APBB1IP: variants seen among roughly 807,000 people sequenced by gnomAD.
APBB1IP encodes the protein amyloid beta A4 precursor protein-binding family B member 1-interacting protein.
Under a neutral mutation model 64.9 loss-of-function variants are expected in APBB1IP, and 27 were observed. That is an observed-to-expected ratio of 0.42 (90% CI 0.31 to 0.57). The LOEUF is 0.57. Ranked by LOEUF, APBB1IP falls within the 20% of genes least tolerant of loss-of-function variation. The pLI is 0.20. For synonymous variants in APBB1IP, 392 were observed against 331.0 expected (o/e 1.18, Z -2.00); for missense variants, 812 against 845.5 (o/e 0.96, Z 0.49).
At chr10:26,529,767 A>C (rs1836524567) in intron 8 of APBB1IP, among the ~76,000 whole-genome samples, 1 of 151,964 alleles carries the variant, frequency 6.6e-6, no homozygotes, top group Non-Finnish European at 1.5e-5. Flanking sequence ...CAGCCTCCCT[A>C]GTAGCTGGGA....
chr10:26,553,107 C>A lies in APBB1IP; in HGVS notation c.1156-6998C>A, dbSNP rs544120417. Among the ~76,000 whole-genome samples, 56 of 152,106 alleles carry A rather than the reference C, an allele frequency of 3.7e-4. 1 individual carries two copies. Among genetic ancestry groups the A allele is most frequent in the African/African-American group, 1.2e-3 (51 of 41,516 alleles). On this transcript the variant is annotated intron_variant, in intron 11 of 14. Coordinates refer to ENST00000376236, the MANE Select transcript of APBB1IP (RefSeq NM_019043.4). Reference sequence around the variant, plus strand: ...CGCGATCTCAGCTCACTGCAACCTCCGCCTCCCAGGTTCAAGCAATTCTCC... The same window carrying A: ...CGCGATCTCAGCTCACTGCAACCTCAGCCTCCCAGGTTCAAGCAATTCTCC...
intron 2 of APBB1IP, among the ~76,000 whole-genome samples, chr10:26,461,144 A>G (rs1456397284): frequency 6.6e-6 from 1 of 152,068 alleles, no homozygotes; most frequent in Non-Finnish European, 1.5e-5. Context: ...CAAAAGTATT[A>G]TAAAACGAAG....
chr10:26,549,478 G>C (rs562673900), intron 11 of APBB1IP, among the ~76,000 whole-genome samples: 1 of 152,012 alleles, frequency 6.6e-6, no homozygotes, highest in South Asian at 2.1e-4. Context: ...TTTTATTACA[G>C]CTTCAATTTC....
chr10:26,459,990 G>A (rs1265359337), intron 2 of APBB1IP, among the ~76,000 whole-genome samples: 1 of 151,862 alleles, frequency 6.6e-6, no homozygotes, highest in African/African-American at 2.4e-5. Flanking sequence ...TATTTACTTA[G>A]TCTTAAAAAT....
chr10:26,497,355 T>C (rs1393353537), intron 4 of APBB1IP, among the ~76,000 whole-genome samples: 1 of 151,504 alleles, frequency 6.6e-6, no homozygotes, highest in Admixed American at 6.6e-5. Context: ...ATCGAGACCA[T>C]CCTGGCTAAC....
At chr10:26,469,530 G>A (rs1186702412) in intron 2 of APBB1IP, among the ~76,000 whole-genome samples, 1 of 151,974 alleles carries the variant, frequency 6.6e-6, no homozygotes, top group South Asian at 2.1e-4. Flanking sequence ...GATTACAGGC[G>A]TGAACCACCG....
intron 8 of APBB1IP, among the ~76,000 whole-genome samples, chr10:26,518,427 T>C (rs1255951883): frequency 1.3e-5 from 2 of 152,136 alleles, no homozygotes; most frequent in Non-Finnish European, 2.9e-5. Context: ...TTGGTATTTT[T>C]AGTAGAGACG....
chr10:26,514,029 C>T (rs1836294760), intron 8 of APBB1IP, among the ~76,000 whole-genome samples: 1 of 152,150 alleles, frequency 6.6e-6, no homozygotes, highest in Admixed American at 6.6e-5. Flanking sequence ...CCACTGCGCC[C>T]AGCCAAGGAT....
At chr10:26,517,874 A>G (rs1263426059) in intron 8 of APBB1IP, among the ~76,000 whole-genome samples, 2 of 152,222 alleles carry the variant, frequency 1.3e-5, no homozygotes, top group Non-Finnish European at 2.9e-5. Flanking sequence ...TTTGTTGGAC[A>G]TGTGTAGACA....
At chr10:26,558,310 T>C (rs112470846) in intron 11 of APBB1IP, among the ~76,000 whole-genome samples, 23 of 152,312 alleles carry the variant, frequency 1.5e-4, no homozygotes, top group African/African-American at 5.5e-4. Flanking sequence ...GACGGTGATT[T>C]CTAACTGAAC....
chr10:26,491,651 T>G (rs562056161), intron 2 of APBB1IP, among the ~76,000 whole-genome samples: 1 of 152,340 alleles, frequency 6.6e-6, no homozygotes, highest in Non-Finnish European at 1.5e-5. Context: ...TGTCCACCAG[T>G]ACTTCTAAAT....
intron 11 of APBB1IP, among the ~76,000 whole-genome samples, chr10:26,547,838 C>A (rs1320683967): frequency 1.3e-5 from 2 of 152,168 alleles, no homozygotes; most frequent in Middle Eastern, 3.2e-3. Flanking sequence ...ATGTAGATAT[C>A]CAGTTAACCC....
intron 11 of APBB1IP, among the ~76,000 whole-genome samples, chr10:26,558,346 T>G (rs926744300): frequency 3.3e-5 from 5 of 152,190 alleles, no homozygotes; most frequent in Non-Finnish European, 7.3e-5. Context: ...TGTTTCTTGA[T>G]TCTTCAAGTA....
At chr10:26,479,996 A>T (rs1588578615) in intron 2 of APBB1IP, among the ~76,000 whole-genome samples, 1 of 152,304 alleles carries the variant, frequency 6.6e-6, no homozygotes, top group East Asian at 1.9e-4. Context: ...GGCCCAGGCG[A>T]CAGCTGGACT....
chr10:26,442,296 G>GA (rs1176655749), intron 2 of APBB1IP, among the ~76,000 whole-genome samples: 2 of 152,252 alleles, frequency 1.3e-5, no homozygotes, highest in Non-Finnish European at 2.9e-5. Context: ...CGTGTGCCTT[G>GA]AAAAAAGAAT....
At chr10:26,495,192 G>A (rs72803275) in intron 3 of APBB1IP, among the ~76,000 whole-genome samples, 18,677 of 151,482 alleles carry the variant, frequency 0.12, 1,571 homozygotes, top group East Asian at 0.31. Flanking sequence ...ATTTTTAATA[G>A]AGACGGGGTT....
At chr10:26,505,808 G>A (rs572849950) in intron 6 of APBB1IP, among the ~76,000 whole-genome samples, 50 of 151,436 alleles carry the variant, frequency 3.3e-4, no homozygotes, top group Non-Finnish European at 4.4e-4. Context: ...TGTTTCTGCC[G>A]AGGGCCAGAC....
At chr10:26,499,527 A>G (rs1200673017) in intron 4 of APBB1IP, among the ~76,000 whole-genome samples, 1 of 152,106 alleles carries the variant, frequency 6.6e-6, no homozygotes, top group Admixed American at 6.6e-5. Flanking sequence ...CCATTTCCTC[A>G]GTCTGTTTCA....
At chr10:26,535,297 T>C (rs1178078921) in intron 9 of APBB1IP, among the ~76,000 whole-genome samples, 1 of 152,100 alleles carries the variant, frequency 6.6e-6, no homozygotes, top group Non-Finnish European at 1.5e-5. Flanking sequence ...TATTAACTTA[T>C]TTATTTTTAT....
Sources: allele counts gnomAD v4.1 joint callset (sites outside exome capture counted in the v4.1 genomes callset), GRCh38; gene constraint gnomAD v4.1.1; transcripts MANE v1.5; gene names NCBI Gene and HGNC (gene_info 2026-07-23, HGNC 2026-07-21).